XKR9: variants seen among roughly 807,000 people sequenced by gnomAD.
The protein encoded by XKR9 is XK-related protein 9.
XKR9 carries 32 observed loss-of-function variants against 32.0 expected under a neutral mutation model. The ratio of observed to expected loss-of-function variants is 1.00; its 90% CI spans 0.76 to 1.34. XKR9 has a LOEUF of 1.34. XKR9 is among the 40% of genes most tolerant of loss of function. The pLI is 0.00. For missense variants in XKR9, 546 were observed against 429.7 expected, an observed-to-expected ratio of 1.27 and a Z score of -2.39; for synonymous variants, 168 against 143.4, an observed-to-expected ratio of 1.17 and a Z score of -1.22.
At chr8:70,759,163 GT>G (rs1328541045) in intron 2 of XKR9, among the ~76,000 whole-genome samples, 2 of 152,156 alleles carry the variant, frequency 1.3e-5, no homozygotes, top group Admixed American at 6.5e-5. Context: ...AATGGGTTTG[GT>G]GTTTTGCTAG....
At chr8:70,999,081 C>T in the XKR9 span, among the ~76,000 whole-genome samples, 1 of 152,094 alleles carries the variant, frequency 6.6e-6, no homozygotes, top group African/African-American at 2.4e-5. Flanking sequence ...TTCTCTGTCT[C>T]TCTCTCTCTT....
chr8:71,053,850 G>A, the XKR9 span, among the ~76,000 whole-genome samples: 1 of 152,152 alleles, frequency 6.6e-6, no homozygotes. Context: ...AATACTGGCT[G>A]CATATGCTTC....
chr8:70,878,624 A>C, the XKR9 span, among the ~76,000 whole-genome samples: 1 of 152,200 alleles, frequency 6.6e-6, no homozygotes, highest in Non-Finnish European at 1.5e-5. Flanking sequence ...ATATATATGC[A>C]CCCAATACAG....
chr8:70,706,894 A>G, intron 3 of XKR9, 39 bp from the exon 4 acceptor site: 1 of 1,505,414 alleles, frequency 6.6e-7, no homozygotes, highest in Non-Finnish European at 9.1e-7. Context: ...GTTACAAAGA[A>G]TATAAAACTA....
the XKR9 span, among the ~76,000 whole-genome samples, chr8:70,880,479 C>T: frequency 6.6e-6 from 1 of 152,106 alleles, no homozygotes; most frequent in East Asian, 1.9e-4. Context: ...ACACCATTAA[C>T]AGACAAACAG....
At chr8:71,042,691 G>A in the XKR9 span, among the ~76,000 whole-genome samples, 1 of 152,130 alleles carries the variant, frequency 6.6e-6, no homozygotes, top group African/African-American at 2.4e-5. Flanking sequence ...TGTTTAGGAT[G>A]TTTTAAATGT....
the XKR9 span, among the ~76,000 whole-genome samples, chr8:70,942,646 A>G: frequency 1.1e-4 from 16 of 152,260 alleles, no homozygotes; most frequent in East Asian, 3.1e-3. Context: ...AATCACACTT[A>G]CTTTATTGAC....
intron 3 of XKR9, among the ~76,000 whole-genome samples, chr8:70,702,024 AT>A (rs567302918): frequency 1.8e-4 from 28 of 152,180 alleles, no homozygotes; most frequent in Non-Finnish European, 3.8e-4. Flanking sequence ...ATAAAAATGA[AT>A]ATAATGGGAG....
the XKR9 span, among the ~76,000 whole-genome samples, chr8:70,867,856 C>T: frequency 1.3e-5 from 2 of 152,180 alleles, no homozygotes; most frequent in African/African-American, 2.4e-5. Context: ...CTTCTAAAAT[C>T]AAGAGCAGGT....
At chr8:70,951,867 TG>T in the XKR9 span, among the ~76,000 whole-genome samples, 1,696 of 138,922 alleles carry the variant, frequency 0.012, 26 homozygotes, top group African/African-American at 0.037. Context: ...ATAGCATCAT[TG>T]GGGGGGGGGT....
intron 3 of XKR9, among the ~76,000 whole-genome samples, chr8:70,690,266 C>G: frequency 6.6e-6 from 1 of 152,202 alleles, no homozygotes; most frequent in East Asian, 1.9e-4. Context: ...CCACCCTCCC[C>G]CTCAAGTAGA....
intron 2 of XKR9, among the ~76,000 whole-genome samples, chr8:70,741,471 A>T (rs990235905): frequency 3.3e-5 from 5 of 152,228 alleles, no homozygotes; most frequent in African/African-American, 1.2e-4. Context: ...AGACTGAGAC[A>T]CATGTAAGTG....
At chr8:70,823,157 G>A in the XKR9 span, among the ~76,000 whole-genome samples, 1 of 152,138 alleles carries the variant, frequency 6.6e-6, no homozygotes, top group Non-Finnish European at 1.5e-5. Context: ...ATGCCTTAAT[G>A]GTCCGGAGTT....
chr8:71,023,380 C>T, the XKR9 span, among the ~76,000 whole-genome samples: 4 of 152,014 alleles, frequency 2.6e-5, no homozygotes, highest in Non-Finnish European at 4.4e-5. Flanking sequence ...TAAACACCAT[C>T]GATTGTGTTC....
the XKR9 span, among the ~76,000 whole-genome samples, chr8:70,929,744 C>A: frequency 1.3e-5 from 2 of 152,152 alleles, no homozygotes; most frequent in Non-Finnish European, 2.9e-5. Context: ...CCCTCTGATA[C>A]TTTAGATCTC....
downstream of XKR9, among the ~76,000 whole-genome samples, chr8:70,791,480 G>T (rs2130271192): frequency 6.6e-6 from 1 of 152,194 alleles, no homozygotes; most frequent in Non-Finnish European, 1.5e-5. Flanking sequence ...CTTTTAAGAG[G>T]TGATTAGGCC....
the XKR9 span, among the ~76,000 whole-genome samples, chr8:70,882,297 A>C: frequency 6.6e-6 from 1 of 151,954 alleles, no homozygotes; most frequent in East Asian, 1.9e-4. Flanking sequence ...TATTTACAAA[A>C]ATATTTGTAT....
At chr8:70,912,842 T>G in the XKR9 span, among the ~76,000 whole-genome samples, 2 of 152,102 alleles carry the variant, frequency 1.3e-5, no homozygotes, top group African/African-American at 4.8e-5. Flanking sequence ...CAAGAATTAT[T>G]TAGTTTTAAT....
the XKR9 span, among the ~76,000 whole-genome samples, chr8:70,952,340 G>A: frequency 6.6e-6 from 1 of 152,140 alleles, no homozygotes; most frequent in Admixed American, 6.5e-5. Context: ...TGTCCCCCAT[G>A]AAACATGAAA....
Sources: gnomAD v4.1 joint callset for allele counts (sites outside exome capture counted in the v4.1 genomes callset) on GRCh38, gnomAD v4.1.1 for gene constraint, MANE v1.5 for transcripts, NCBI Gene and HGNC (gene_info 2026-07-23, HGNC 2026-07-21) for gene names.